ANTXR2: variants seen among roughly 807,000 people sequenced by gnomAD.
ANTXR2 encodes the protein anthrax toxin receptor 2.
A neutral mutation model predicts 73.7 loss-of-function variants in ANTXR2; 44 were observed. That is an observed-to-expected ratio of 0.60 (90% confidence interval 0.47 to 0.77). ANTXR2 has a LOEUF of 0.77. Among genes scored for constraint, ANTXR2 ranks in the 30% least tolerant of loss-of-function variants. ANTXR2 has a pLI of 0.00. For missense variants in ANTXR2, 604 were observed against 592.5 expected (o/e 1.02, Z -0.20); for synonymous variants, 217 against 205.9 (o/e 1.05, Z -0.46).
chr4:79,957,348 T>C (rs1452283142), intron 16 of ANTXR2, among the ~76,000 whole-genome samples: 1 of 152,038 alleles, frequency 6.6e-6, no homozygotes, highest in Non-Finnish European at 1.5e-5. Flanking sequence ...GGTTGATAAA[T>C]GAAACAAATG....
chr4:80,013,115 T>C (rs181727056), intron 11 of ANTXR2, among the ~76,000 whole-genome samples: 57 of 152,354 alleles, frequency 3.7e-4, no homozygotes, highest in Non-Finnish European at 6.0e-4. Context: ...CTTTCCATTA[T>C]GTTTTTAAAA....
At chr4:79,946,090 A>G (rs750716421) in intron 16 of ANTXR2, among the ~76,000 whole-genome samples, 10 of 152,162 alleles carry the variant, frequency 6.6e-5, no homozygotes, top group Non-Finnish European at 1.5e-4. Flanking sequence ...ATCTCATTTA[A>G]TCTTCAAACA....
At chr4:79,907,958 C>T (rs917056906) in intron 16 of ANTXR2, among the ~76,000 whole-genome samples, 2 of 152,094 alleles carry the variant, frequency 1.3e-5, no homozygotes, top group Admixed American at 1.3e-4. Context: ...TTTGCAAAAT[C>T]ATGTCCATTG....
intron 16 of ANTXR2, among the ~76,000 whole-genome samples, chr4:79,955,754 C>T (rs62298605): frequency 0.1 from 15,203 of 152,024 alleles, 1,905 homozygotes; most frequent in East Asian, 0.66. Flanking sequence ...AGAAAATTTG[C>T]GCCGGACTGA....
intron 7 of ANTXR2, among the ~76,000 whole-genome samples, chr4:80,046,854 A>G (rs1733536366): frequency 6.6e-6 from 1 of 151,740 alleles, no homozygotes; most frequent in African/African-American, 2.4e-5. Context: ...TTCTGAATCA[A>G]CTGAGAATTA....
chr4:80,042,945 G>C (rs563745193), intron 7 of ANTXR2, among the ~76,000 whole-genome samples: 10 of 151,990 alleles, frequency 6.6e-5, no homozygotes, highest in African/African-American at 1.4e-4. Context: ...AGAAATAAAG[G>C]TATGAACTTC....
chr4:80,026,187 T>A (rs1732429557), intron 10 of ANTXR2, among the ~76,000 whole-genome samples: 2 of 152,106 alleles, frequency 1.3e-5, no homozygotes, highest in Non-Finnish European at 1.5e-5. Flanking sequence ...GGTGAATGGG[T>A]TATGGGGATG....
At chr4:80,034,223 C>G (rs1732848673) in intron 8 of ANTXR2, among the ~76,000 whole-genome samples, 1 of 151,992 alleles carries the variant, frequency 6.6e-6, no homozygotes, top group South Asian at 2.1e-4. Context: ...AGCACTAAAA[C>G]TTGTTAGAGA....
chr4:79,927,282 T>C (rs1175073494), intron 16 of ANTXR2, among the ~76,000 whole-genome samples: 1 of 110,514 alleles, frequency 9.0e-6, no homozygotes, highest in East Asian at 2.7e-4. Context: ...GAGTAGATTT[T>C]AGGAGCTCTT....
intron 12 of ANTXR2, among the ~76,000 whole-genome samples, chr4:80,002,443 A>AAACC (rs1192149409): frequency 2.0e-5 from 3 of 152,194 alleles, no homozygotes; most frequent in Non-Finnish European, 4.4e-5. Flanking sequence ...GTTAGACCTA[A>AAACC]AACCATAAAA....
At chr4:80,035,847 C>A in intron 8 of ANTXR2, 125 bp downstream of exon 8, 1 of 748,366 alleles carries the variant, frequency 1.3e-6, no homozygotes, top group Non-Finnish European at 2.2e-6. Context: ...AAAATTCTTA[C>A]ACAAAAAAGA....
rs755715049 is a variant in ANTXR2, at chr4:80,072,465, G to C, written c.96C>G (p.Arg32=). 4 of 1,610,126 alleles carry C rather than the reference G, an allele frequency of 2.5e-6. No homozygotes were observed. Among genetic ancestry groups the C allele is most frequent in the East Asian group, 4.5e-5 (2 of 44,492 alleles). Residue 32 remains arginine, a synonymous_variant, in exon 1 of 17, where the codon CGC becomes CGG. Coordinates refer to ENST00000403729, the MANE Select transcript of ANTXR2 (RefSeq NM_058172.6). The part of the protein sequence containing the change: ...LVLSGPGGLL[R]AQEQPSCRRA... ...TTCTGCAGGAGGGCTGCTCCTGGGC[G>C]CGCAGCAGCCCCCCGGGACCGCTGA...
intron 12 of ANTXR2, among the ~76,000 whole-genome samples, chr4:79,999,218 C>A (rs1018469370): frequency 1.3e-5 from 2 of 151,914 alleles, no homozygotes; most frequent in African/African-American, 4.8e-5. Flanking sequence ...ATAATCCCCA[C>A]GTGTTGAGGG....
intron 12 of ANTXR2, among the ~76,000 whole-genome samples, chr4:79,996,358 A>ATGGATGG (rs1389477565): frequency 1.8e-3 from 146 of 79,366 alleles, no homozygotes; most frequent in East Asian, 2.3e-3. Context: ...TGGATGGATG[A>ATGGATGG]ATGAATGAAT....
intron 16 of ANTXR2, among the ~76,000 whole-genome samples, chr4:79,951,511 G>T (rs1728707397): frequency 6.6e-6 from 1 of 152,040 alleles, no homozygotes; most frequent in South Asian, 2.1e-4. Context: ...GGGAGGCGGA[G>T]GTTGCAGTGA....
chr4:80,058,022 TA>T (rs1360265128), intron 3 of ANTXR2, among the ~76,000 whole-genome samples: 2 of 152,074 alleles, frequency 1.3e-5, no homozygotes, highest in Non-Finnish European at 2.9e-5. Flanking sequence ...TGAATGCAGA[TA>T]AAAGTCAAAT....
intron 16 of ANTXR2, 96 bp downstream of exon 16, chr4:79,977,525 A>C (rs1343294663): frequency 2.0e-6 from 3 of 1,519,102 alleles, no homozygotes; most frequent in African/African-American, 2.8e-5. Flanking sequence ...CTCAAGTGCA[A>C]TAGGGCTTTA....
chr4:79,979,850 A>AG lies in ANTXR2; in HGVS notation c.1180-1677dup, dbSNP rs200815225. ...TTGCAGTTGTAAAGGCTCAATTTTA[A>AG]GGAAAAAAAAGATACACAATTAAGT... is the stretch of plus-strand genomic sequence containing the variant. On this transcript the variant is annotated intron_variant, in intron 14 of 16. Transcript: ENST00000403729. Among the ~76,000 whole-genome samples the AG allele has an allele frequency of 2.3e-4, 25 of 110,194 alleles. No homozygotes were observed. In the East Asian group the frequency reaches 0.032, roughly 140 times the overall value. 72.3% of individuals were successfully genotyped at this position (110,194 alleles called of 152,430 possible).
At chr4:80,051,167 T>C (rs1733755552) in intron 7 of ANTXR2, among the ~76,000 whole-genome samples, 1 of 151,752 alleles carries the variant, frequency 6.6e-6, no homozygotes, top group Non-Finnish European at 1.5e-5. Flanking sequence ...CCTGTCTTTA[T>C]GTCACCTTAC....
Sources: gnomAD v4.1 joint callset for allele counts (sites outside exome capture counted in the v4.1 genomes callset) on GRCh38, gnomAD v4.1.1 for gene constraint, MANE v1.5 for transcripts, NCBI Gene and HGNC (gene_info 2026-07-23, HGNC 2026-07-21) for gene names.